The following GPAM variants were observed in gnomAD, a reference collection of about 807,000 sequenced individuals.
The protein encoded by GPAM is glycerol-3-phosphate acyltransferase, mitochondrial.
A neutral mutation model predicts 105.0 loss-of-function variants in GPAM; 56 were observed. That is an observed-to-expected ratio of 0.53 (90% CI 0.43 to 0.67). The LOEUF (loss-of-function observed/expected upper bound fraction) is 0.67, where lower values mean the gene tolerates loss of function less well. Ranked by LOEUF, GPAM falls within the 30% of genes least tolerant of loss-of-function variation. The probability of loss-of-function intolerance (pLI) is 0.00; values close to 1 mark genes in which losing one functional copy is unlikely to be tolerated. For synonymous variants in GPAM, 368 were observed against 354.4 expected (o/e 1.04, Z -0.43); for missense variants, 855 against 989.8 (o/e 0.86, Z 1.83).
At chr10:112,182,343 T>C (rs530495169) in intron 2 of GPAM, among the ~76,000 whole-genome samples, 2 of 152,288 alleles carry the variant, frequency 1.3e-5, no homozygotes, top group East Asian at 3.9e-4. Context: ...TCTTGTGATG[T>C]CCTAAAAGAA....
intron 1 of GPAM, among the ~76,000 whole-genome samples, chr10:112,194,201 C>G (rs1589605060): frequency 1.3e-5 from 2 of 152,184 alleles, no homozygotes; most frequent in East Asian, 1.9e-4. Flanking sequence ...TACACTGGCT[C>G]TTAATCCGCT....
At chr10:112,157,140 T>G (rs1847031435) in intron 19 of GPAM, 109 bp downstream of exon 19, 1 of 960,520 alleles carries the variant, frequency 1.0e-6, no homozygotes, top group African/African-American at 1.6e-5. Context: ...CAGAGCTAGT[T>G]GGGGGATTCT....
In GPAM at chr10:112,150,164, T is replaced by C. The variant is rs1474725967; in HGVS notation, c.*3386A>G. The C allele has an allele frequency of 2.0e-6, 2 of 985,268 alleles. No homozygotes were observed. Among genetic ancestry groups the C allele is most frequent in the Non-Finnish European group, 2.4e-6 (2 of 829,768 alleles). 61.0% of individuals were successfully genotyped at this position (985,268 alleles called of 1,614,324 possible). On this transcript the variant is annotated 3_prime_UTR_variant, in exon 22 of 22. Transcript: ENST00000348367. The stretch of plus-strand genomic sequence containing the variant: ...TTAAACTAAAATGCCAGACGGCAAG[T>C]CTCAGGTTTCTAAAATAGTTTTAAA...
rs566834022 is a variant in GPAM at position 112,180,111 on chromosome 10, T to C, written c.225+362A>G. 6.6e-5 allele frequency among the ~76,000 whole-genome samples: 10 copies of C among 152,320 alleles called. No homozygotes were observed. The South Asian group carries it at 2.1e-3, about 32-fold the overall frequency. On this transcript the variant is annotated intron_variant, in intron 4 of 21. Transcript: ENST00000348367. ...TTTAACTTCTTATTCTGTCCCATTA[T>C]CTCTTTCTTATCTTGCTAGAATTTT... is the stretch of plus-strand genomic sequence containing the variant.
In GPAM at chr10:112,157,327, T is replaced by A. The variant is rs2254537; in HGVS notation, c.2043A>T (p.Pro681=). The change falls in exon 19 of 22, where the codon CCA becomes CCT. Residue 681 remains proline, a synonymous_variant. Transcript: ENST00000348367. ...CATCACTTCTCCAAGACAAAGGTTC[T>A]GGAAGCTTCTTGTCCCACTGCTGCT... The part of the protein sequence containing the change: ...LAEQQWDKKL[P]EPLSWRSDEE... 1,164,896 of 1,612,744 alleles carry A rather than the reference T, an allele frequency of 0.72. 422,132 individuals are homozygous for A. The highest frequency in any genetic ancestry group is 0.82 in the South Asian group (74,405 of 91,062).
chr10:112,182,914 G>A (rs1347226447), intron 1 of GPAM, 23 bp from the exon 2 acceptor site: 1 of 152,252 alleles, frequency 6.6e-6, no homozygotes, highest in African/African-American at 2.4e-5. Context: ...AGTGAAGAGA[G>A]GATGAGGAGA....
At chr10:112,193,370 A>G (rs1047278558) in intron 1 of GPAM, among the ~76,000 whole-genome samples, 3 of 152,200 alleles carry the variant, frequency 2.0e-5, no homozygotes, top group African/African-American at 7.2e-5. Flanking sequence ...AGATACCATG[A>G]CTTTTATCCT....
At chr10:112,168,175 CCAAT>C in intron 11 of GPAM, 133 bp downstream of exon 11, 2 of 688,144 alleles carry the variant, frequency 2.9e-6, no homozygotes, top group Non-Finnish European at 5.3e-6. Context: ...CCATGCCCAT[CCAAT>C]CACATTTCAT....
Position 112,180,357 on chromosome 10 carries a change from C to G in GPAM, c.225+116G>C, listed in dbSNP as rs1847485332. The G allele has an allele frequency of 3.2e-6, 3 of 951,236 alleles. No individual in the cohort carries two copies. In the Admixed American group the frequency reaches 5.6e-5, roughly 18 times the overall value. 58.9% of individuals were successfully genotyped at this position (951,236 alleles called of 1,614,324 possible). A position where few individuals can be genotyped will look rare whatever the true frequency, so the allele number is the denominator to read the frequency against. On this transcript the variant is annotated intron_variant, in intron 4 of 21. Transcript: ENST00000348367. ...ACATCTTTACTTGAAATATTTGGTT[C>G]ATAAACATGGGTCTCTGTTCTGAAA...
intron 1 of GPAM, among the ~76,000 whole-genome samples, chr10:112,201,235 A>C (rs532710194): frequency 8.5e-5 from 13 of 152,300 alleles, no homozygotes; most frequent in African/African-American, 3.1e-4. Flanking sequence ...TTTGATCAGG[A>C]CTCACGAGGA....
chr10:112,209,973 G>A (rs1193952711), intron 1 of GPAM, among the ~76,000 whole-genome samples: 1 of 152,188 alleles, frequency 6.6e-6, no homozygotes, highest in Non-Finnish European at 1.5e-5. Context: ...AGGCAAGGCG[G>A]ACAGGGTAGG....
chr10:112,154,547 C>T (rs975820290), intron 21 of GPAM, 82 bp downstream of exon 21: 1 of 1,057,240 alleles, frequency 9.5e-7, no homozygotes, highest in Non-Finnish European at 1.5e-6. Context: ...GTCCACCCCA[C>T]CACAAAGGTA....
intron 1 of GPAM, among the ~76,000 whole-genome samples, chr10:112,192,051 C>T (rs751235200): frequency 4.6e-5 from 7 of 152,112 alleles, no homozygotes; most frequent in East Asian, 1.9e-4. Context: ...CAGCCTGAGC[C>T]GACCCAGGGC....
At chr10:112,161,609 C>T in intron 15 of GPAM, 58 bp downstream of exon 15, 1 of 1,376,518 alleles carries the variant, frequency 7.3e-7, no homozygotes. Context: ...TGTATCTGAG[C>T]AGCTGACAAA....
chr10:112,173,767 G>C lies in GPAM; in HGVS notation c.492C>G (p.Asn164Lys), dbSNP rs1220761508. 2 of 1,613,646 alleles carry C rather than the reference G, an allele frequency of 1.2e-6. No homozygotes were observed. The highest frequency in any genetic ancestry group is 2.2e-5 in the South Asian group (2 of 91,078). ...TCCTTTTAGCTTTCTTTTTCACTTTGTTAACGGCTTTTGATTGCTGCTGGG... is the reference window on the plus strand; with the variant it reads ...TCCTTTTAGCTTTCTTTTTCACTTTCTTAACGGCTTTTGATTGCTGCTGGG... ...GSAQQQSKAV[N>K]KVKKKAKRIL... is the part of the protein sequence containing the mutation. The change falls in exon 7 of 22, where the codon AAC becomes AAG. Residue 164 changes from asparagine (N) to lysine (K), a missense_variant. By Grantham distance (94) the Asn-to-Lys change is moderately conservative. Coordinates refer to ENST00000348367, the MANE Select transcript of GPAM (RefSeq NM_001244949.2).
intron 14 of GPAM, 127 bp downstream of exon 14, chr10:112,163,574 T>A: frequency 1.5e-6 from 1 of 684,048 alleles, no homozygotes; most frequent in South Asian, 1.6e-5. Flanking sequence ...TCTAATAACT[T>A]ACCTATCACC....
In GPAM at chr10:112,160,637, C is replaced by T. The variant is rs781192473; in HGVS notation, c.1726G>A (p.Val576Ile). The change falls in exon 16 of 22, where the codon GTA becomes ATA. Residue 576 changes from valine to isoleucine, a missense_variant. Coordinates refer to ENST00000348367, the MANE Select transcript of GPAM (RefSeq NM_001244949.2). ...GCCTCCATGATAAAGACATGAAGTA[C>T]CCCATTGCTGTAGAAGTTGAGTTCG... is the stretch of plus-strand genomic sequence containing the variant. ...VFELNFYSNG[V>I]LHVFIMEAII... 1 of 1,612,972 alleles carries T rather than the reference C, an allele frequency of 6.2e-7. No individual in the cohort carries two copies. Among genetic ancestry groups the T allele is most frequent in the Admixed American group, 1.7e-5 (1 of 60,008 alleles).
At position 112,151,385 on chromosome 10, in the gene GPAM, C is replaced by T; in HGVS notation, c.*2165G>A. On this transcript the variant is annotated 3_prime_UTR_variant, in exon 22 of 22. Transcript: ENST00000348367. ...AGAATGAGTTGTGCTGAAATTAACT[C>T]AAAGGTCAGCTTGTCTGGATGAGCA... 3.0e-6 allele frequency: 3 copies of T among 985,710 alleles called. No homozygotes were observed. The highest frequency in any genetic ancestry group is 3.6e-6 in the Non-Finnish European group (3 of 829,898). The allele number at this position is 985,710 out of a possible 1,614,324, so 61.1% of individuals were successfully genotyped here. A position where few individuals can be genotyped will look rare whatever the true frequency, so the allele number is the denominator to read the frequency against.
chr10:112,227,020 G>A, the GPAM span, among the ~76,000 whole-genome samples: 1 of 152,032 alleles, frequency 6.6e-6, no homozygotes, highest in African/African-American at 2.4e-5. Flanking sequence ...TGTCAGACAC[G>A]CAAGCCCTGC....
Sources: allele counts gnomAD v4.1 joint callset (sites outside exome capture counted in the v4.1 genomes callset), GRCh38; gene constraint gnomAD v4.1.1; transcripts MANE v1.5; gene names NCBI Gene and HGNC (gene_info 2026-07-23, HGNC 2026-07-21).